ZNF286A: variants seen among roughly 807,000 people sequenced by gnomAD.
ZNF286A encodes zinc finger protein 286A, also known as zinc finger protein ZNF286.
In ZNF286A, 34 loss-of-function variants were observed where a neutral mutation model predicts 49.3. That is an observed-to-expected ratio of 0.69 (90% CI 0.52 to 0.92). The LOEUF is 0.92. Among genes scored for constraint, ZNF286A ranks in the 40% least tolerant of loss-of-function variants. The pLI is 0.00. For synonymous variants in ZNF286A, 155 were observed against 200.4 expected (o/e 0.77, Z 1.91); for missense variants, 462 against 600.2 (o/e 0.77, Z 2.41).
intron 3 of ZNF286A, chr17:15,704,244 C>T (rs569260549): frequency 5.4e-5 from 87 of 1,602,690 alleles, no homozygotes; most frequent in Admixed American, 1.0e-4. Flanking sequence ...ACAGCCGCCG[C>T]AGCGCCCGCT....
intron 3 of ZNF286A, among the ~76,000 whole-genome samples, chr17:15,705,590 T>C (rs1355081946): frequency 1.3e-5 from 2 of 152,354 alleles, no homozygotes; most frequent in East Asian, 3.9e-4. Flanking sequence ...TGGAATGTAT[T>C]GAAATTTACT....
chr17:15,715,632 T>C (rs1966997166), intron 5 of ZNF286A, among the ~76,000 whole-genome samples: 2 of 152,158 alleles, frequency 1.3e-5, no homozygotes, highest in South Asian at 2.1e-4. Flanking sequence ...CATATTTGGA[T>C]GTGAGTAGGA....
chr17:15,708,173 C>G lies in ZNF286A; in HGVS notation c.260C>G (p.Pro87Arg). ...TGAATAGGGCTTCCAGTTTCCAAAC[C>G]TGAGAGCTACAACTTGGAGAATGGA... ...LVSLWLPVSK[P>R]ESYNLENGKE... Residue 87 changes from proline to arginine, a missense_variant, in exon 5 of 6, where the codon CCT becomes CGT. Around this residue, in one of 3 missense-constraint regions of ZNF286A, gnomAD observed 259 missense variants for 272.2 expected, o/e 0.95. Transcript: ENST00000583566. 6.3e-7 allele frequency: 1 copy of G among 1,590,772 alleles called. No homozygotes were observed.
rs1967203680 is a variant in ZNF286A, at chr17:15,718,556, G to A, written c.*1266G>A. On this transcript the variant is annotated 3_prime_UTR_variant, in exon 6 of 6. Coordinates refer to ENST00000583566, the MANE Select transcript of ZNF286A (RefSeq NM_001130842.2). ...TTATATTTAGGGTCCCAGTAAAGAAGAACTGAAGCAACTGTGAGACACCAG... is the reference window on the plus strand; with the variant it reads ...TTATATTTAGGGTCCCAGTAAAGAAAAACTGAAGCAACTGTGAGACACCAG... The A allele has an allele frequency of 1.3e-5, 2 of 150,456 alleles. No individual in the cohort carries two copies. The highest frequency in any genetic ancestry group is 4.9e-5 in the African/African-American group (2 of 40,618). The allele number at this position is 150,456 out of a possible 1,614,324, so 9.3% of individuals were successfully genotyped here.
chr17:15,712,436 A>C (rs2601958), intron 5 of ZNF286A, among the ~76,000 whole-genome samples: 1,209 of 125,244 alleles, frequency 9.7e-3, no homozygotes, highest in Middle Eastern at 0.048. Context: ...CTTATGTCAA[A>C]GATACTTCAA....
chr17:15,705,500 A>AT (rs911856790), intron 3 of ZNF286A, among the ~76,000 whole-genome samples: 48 of 151,904 alleles, frequency 3.2e-4, no homozygotes, highest in Non-Finnish European at 1.5e-4. Context: ...GCCATGTGGC[A>AT]TTTTTTTTCC....
intron 3 of ZNF286A, among the ~76,000 whole-genome samples, chr17:15,705,062 A>G (rs1196383343): frequency 6.6e-6 from 1 of 152,024 alleles, no homozygotes; most frequent in Non-Finnish European, 1.5e-5. Context: ...CACAGCGTAC[A>G]CCAACCTGCC....
chr17:15,702,699 T>C (rs1989878541), intron 3 of ZNF286A, among the ~76,000 whole-genome samples: 1 of 152,234 alleles, frequency 6.6e-6, no homozygotes, highest in Non-Finnish European at 1.5e-5. Flanking sequence ...CCTGTCTCCA[T>C]TGGCTTCTCA....
At chr17:15,705,790 T>TAGA (rs1387053943) in intron 3 of ZNF286A, among the ~76,000 whole-genome samples, 2 of 152,238 alleles carry the variant, frequency 1.3e-5, no homozygotes, top group Non-Finnish European at 2.9e-5. Context: ...TTTTGTCTTA[T>TAGA]AGAAGTATAA....
chr17:15,702,343 C>A (rs552982212), intron 3 of ZNF286A, among the ~76,000 whole-genome samples: 1 of 151,830 alleles, frequency 6.6e-6, no homozygotes, highest in East Asian at 1.9e-4. Context: ...GGTGAAACCT[C>A]GTCTTTACTT....
intron 3 of ZNF286A, among the ~76,000 whole-genome samples, chr17:15,705,630 G>A (rs527684099): frequency 1.3e-5 from 2 of 152,206 alleles, no homozygotes; most frequent in East Asian, 3.9e-4. Flanking sequence ...CTACATGAAT[G>A]TTTAAACAGT....
At chr17:15,707,523 C>T (rs1990330168) in intron 4 of ZNF286A, among the ~76,000 whole-genome samples, 1 of 152,040 alleles carries the variant, frequency 6.6e-6, no homozygotes, top group African/African-American at 2.4e-5. Flanking sequence ...CAGTTACCAC[C>T]GTTACAGTTA....
At chr17:15,706,607 A>C in intron 4 of ZNF286A, 106 bp downstream of exon 4, 1 of 788,678 alleles carries the variant, frequency 1.3e-6, no homozygotes, top group South Asian at 2.3e-5. Flanking sequence ...GGAGTCAAAA[A>C]GTGTTAATTC....
intron 5 of ZNF286A, among the ~76,000 whole-genome samples, chr17:15,713,274 G>A (rs1182796795): frequency 1.2e-4 from 19 of 152,100 alleles, no homozygotes; most frequent in Non-Finnish European, 2.6e-4. Flanking sequence ...TGTTAGCACA[G>A]TATATTTTTT....
intron 3 of ZNF286A, chr17:15,704,231 A>T (rs1990015414): frequency 6.3e-7 from 1 of 1,595,936 alleles, no homozygotes. Flanking sequence ...AAGAGAGCCC[A>T]CTACAGCCGC....
Position 15,717,116 on chromosome 17 carries a change from A to C in ZNF286A, c.1392A>C (p.Lys464Asn). 6.2e-7 allele frequency: 1 copy of C among 1,613,958 alleles called. No homozygotes were observed. Among genetic ancestry groups the C allele is most frequent in the Non-Finnish European group, 8.5e-7 (1 of 1,179,996 alleles). The stretch of plus-strand genomic sequence containing the variant: ...ATCAAAGAATTCATATTGGAAAGAA[A>C]CCGTACAAATGTAGCGAGTGTGGAA... ...AKHQRIHIGK[K>N]PYKCSECGKA... is the part of the protein sequence containing the mutation. Residue 464 changes from lysine (K) to asparagine (N), a missense_variant, in exon 6 of 6, where the codon AAA becomes AAC. Lys to Asn is a moderately conservative substitution (Grantham distance 94). Coordinates refer to ENST00000583566, the MANE Select transcript of ZNF286A (RefSeq NM_001130842.2).
rs1206161622 is a variant in ZNF286A, at chr17:15,717,627, G to T, written c.*337G>T. On this transcript the variant is annotated 3_prime_UTR_variant, in exon 6 of 6. Coordinates refer to ENST00000583566, the MANE Select transcript of ZNF286A (RefSeq NM_001130842.2). ...TGTTTATGTCAGAGCTTTGTTGTAA[G>T]CCTCTCACTTTGTAAGGAAATTCTT... The T allele has an allele frequency of 1.2e-5, 3 of 244,672 alleles. No homozygotes were observed. Among genetic ancestry groups the T allele is most frequent in the Non-Finnish European group, 1.6e-5 (2 of 126,672 alleles). 15.2% of individuals were successfully genotyped at this position (244,672 alleles called of 1,614,324 possible).
chr17:15,715,867 A>G, intron 5 of ZNF286A, 192 bp from the exon 6 acceptor site: 3 of 1,397,860 alleles, frequency 2.1e-6, no homozygotes, highest in South Asian at 1.5e-5. Context: ...GATAGGATGT[A>G]CTTATTTTCT....
At chr17:15,711,251 T>G (rs1258385532) in intron 5 of ZNF286A, 3 of 152,180 alleles carry the variant, frequency 2.0e-5, no homozygotes, top group African/African-American at 7.2e-5. Flanking sequence ...TTTCTGCCTT[T>G]TCAGTGCTGC....
Sources: gnomAD v4.1 joint callset for allele counts (sites outside exome capture counted in the v4.1 genomes callset) on GRCh38, gnomAD v4.1.1 for gene constraint, gnomAD v4.1.1 regional missense constraint, MANE v1.5 for transcripts, NCBI Gene and HGNC (gene_info 2026-07-23, HGNC 2026-07-21) for gene names.